The following LARGE1 variants were observed in gnomAD, a reference collection of about 807,000 sequenced individuals.
The protein encoded by LARGE1 is xylosyl- and glucuronyltransferase LARGE1.
A neutral mutation model predicts 87.6 loss-of-function variants in LARGE1; 43 were observed. The observed-to-expected ratio is 0.49, with a 90% CI of 0.38 to 0.63. The LOEUF is 0.63. Ranked by LOEUF, LARGE1 falls within the 30% of genes least tolerant of loss-of-function variation. The probability of loss-of-function intolerance (pLI) is 0.00; values close to 1 mark genes in which losing one functional copy is unlikely to be tolerated. For synonymous variants in LARGE1, 434 were observed against 394.6 expected, an observed-to-expected ratio of 1.10 and a Z score of -1.18; for missense variants, 802 against 1,000.2, an observed-to-expected ratio of 0.80 and a Z score of 2.67.
chr22:33,584,179 AG>A lies in LARGE1; in HGVS notation c.616-19161del, dbSNP rs531462014. Among the ~76,000 whole-genome samples, 22 of 152,344 alleles carry A rather than the reference AG, an allele frequency of 1.4e-4. No homozygotes were observed. In the South Asian group the frequency reaches 4.6e-3, roughly 32 times the overall value. ...TAGCTAAGCTGAGCAGATAAAAAGC[AG>A]GTAAAGGAGTTTTGCTTGGGAAAAA... On this transcript the variant is annotated intron_variant, in intron 5 of 14. Transcript: ENST00000397394.
chr22:33,903,185 T>G (rs1159150494), intron 1 of LARGE1, among the ~76,000 whole-genome samples: 1 of 152,168 alleles, frequency 6.6e-6, no homozygotes, highest in African/African-American at 2.4e-5. Context: ...TGGGCCCTAA[T>G]CTACTATGAC....
In LARGE1 at chr22:33,815,888, T is replaced by TA. The variant is rs1164553347; in HGVS notation, c.-82-54331dup. Among the ~76,000 whole-genome samples, 3 of 152,268 alleles carry TA rather than the reference T, an allele frequency of 2.0e-5. No homozygotes were observed. The East Asian group carries it at 5.8e-4, about 29-fold the overall frequency. On this transcript the variant is annotated intron_variant, in intron 1 of 14. Transcript: ENST00000397394. ...ATCACGAGGAGAGGTGCCGTGGAAG[T>TA]AAGAGATTCAGCTGCTGAACCATTT...
At chr22:33,633,810 G>A (rs956686388) in intron 3 of LARGE1, among the ~76,000 whole-genome samples, 1 of 152,208 alleles carries the variant, frequency 6.6e-6, no homozygotes, top group Non-Finnish European at 1.5e-5. Context: ...ACCTCCCAGA[G>A]GACAGATGCT....
chr22:33,306,178 C>T (rs1419533073), intron 11 of LARGE1, among the ~76,000 whole-genome samples: 1 of 152,164 alleles, frequency 6.6e-6, no homozygotes, highest in East Asian at 1.9e-4. Flanking sequence ...CATGCATTCT[C>T]CATGACGCCT....
intron 1 of LARGE1, among the ~76,000 whole-genome samples, chr22:33,888,210 A>C (rs1043059461): frequency 6.6e-6 from 1 of 152,188 alleles, no homozygotes; most frequent in Non-Finnish European, 1.5e-5. Flanking sequence ...CATGACCCAG[A>C]AGATGCTTAT....
the LARGE1 span, among the ~76,000 whole-genome samples, chr22:33,107,783 G>A: frequency 7.2e-5 from 11 of 152,234 alleles, no homozygotes; most frequent in South Asian, 4.1e-4. Context: ...AGCAAGGATC[G>A]CTTGAGCCCA....
At chr22:33,464,324 TTTA>T (rs1276899895) in intron 6 of LARGE1, among the ~76,000 whole-genome samples, 1 of 152,160 alleles carries the variant, frequency 6.6e-6, no homozygotes, top group African/African-American at 2.4e-5. Context: ...CAGGTTTTGG[TTTA>T]TTTTCATAAG....
At chr22:33,834,733 T>C (rs1479344726) in intron 1 of LARGE1, among the ~76,000 whole-genome samples, 4 of 152,226 alleles carry the variant, frequency 2.6e-5, no homozygotes, top group Non-Finnish European at 5.9e-5. Context: ...GCAAGTTTTC[T>C]TTATCATCCC....
chr22:33,446,962 C>T (rs1237008738), intron 6 of LARGE1, among the ~76,000 whole-genome samples: 2 of 152,206 alleles, frequency 1.3e-5, no homozygotes, highest in African/African-American at 4.8e-5. Flanking sequence ...GGCACCATCT[C>T]GGTTCACTGC....
intron 10 of LARGE1, among the ~76,000 whole-genome samples, chr22:33,317,162 T>C (rs60173794): frequency 0.049 from 7,391 of 152,218 alleles, 328 homozygotes; most frequent in African/African-American, 0.13. Flanking sequence ...TGCAGTGAGC[T>C]GAGATCGCAC....
chr22:33,698,350 G>C (rs1320981985), intron 2 of LARGE1, among the ~76,000 whole-genome samples: 1 of 142,034 alleles, frequency 7.0e-6, no homozygotes, highest in African/African-American at 2.7e-5. Context: ...ACCCAGGCTG[G>C]AGTGCAGTGG....
intron 11 of LARGE1, among the ~76,000 whole-genome samples, chr22:33,182,685 A>G (rs1012107319): frequency 2.0e-5 from 3 of 152,220 alleles, no homozygotes; most frequent in Non-Finnish European, 4.4e-5. Context: ...GTTGTCTACT[A>G]ATCTTTGATT....
intron 5 of LARGE1, among the ~76,000 whole-genome samples, chr22:33,589,178 T>G (rs2078764289): frequency 6.6e-6 from 1 of 152,194 alleles, no homozygotes; most frequent in South Asian, 2.1e-4. Context: ...AATTCTTGTT[T>G]CCACCACTCC....
intron 3 of LARGE1, among the ~76,000 whole-genome samples, chr22:33,643,407 G>A (rs973155677): frequency 2.6e-5 from 4 of 152,088 alleles, no homozygotes; most frequent in Non-Finnish European, 5.9e-5. Flanking sequence ...GTGTTTATAG[G>A]GAAATTTATA....
At chr22:33,671,496 C>T (rs531622594) in intron 2 of LARGE1, among the ~76,000 whole-genome samples, 1 of 152,272 alleles carries the variant, frequency 6.6e-6, no homozygotes, top group East Asian at 1.9e-4. Context: ...AAGTTGAGTC[C>T]TGCCTCAAAC....
chr22:33,273,657 T>A lies in LARGE1; in HGVS notation c.*770A>T, dbSNP rs886057456. 24 of 398,784 alleles carry A rather than the reference T, an allele frequency of 6.0e-5. No individual in the cohort carries two copies. The highest frequency in any genetic ancestry group is 8.2e-5 in the African/African-American group (4 of 48,598). The allele number at this position is 398,784 out of a possible 1,614,324, so 24.7% of individuals were successfully genotyped here. On this transcript the variant is annotated 3_prime_UTR_variant, in exon 15 of 15. Transcript: ENST00000397394. The stretch of plus-strand genomic sequence containing the variant: ...TGATCATCCTGAAGGAAGCTGCCCA[T>A]GTTTAAATATCGGCCGAAGATGCTT...
chr22:33,855,399 TG>T (rs1268594396), intron 1 of LARGE1, among the ~76,000 whole-genome samples: 1 of 151,054 alleles, frequency 6.6e-6, no homozygotes, highest in Non-Finnish European at 1.5e-5. Flanking sequence ...AGGGGTGGAG[TG>T]GGAAACTGTC....
chr22:33,584,441 T>C (rs1206242856), intron 5 of LARGE1, among the ~76,000 whole-genome samples: 3 of 152,162 alleles, frequency 2.0e-5, no homozygotes, highest in Non-Finnish European at 4.4e-5. Context: ...TGGTAGCTGA[T>C]TGGTACTACA....
chr22:33,800,568 G>C (rs1007239061), intron 1 of LARGE1, among the ~76,000 whole-genome samples: 15 of 152,048 alleles, frequency 9.9e-5, no homozygotes, highest in African/African-American at 2.4e-5. Flanking sequence ...CCCCACCCTA[G>C]TCCCTGGCAA....
Sources: gnomAD v4.1 joint callset for allele counts (sites outside exome capture counted in the v4.1 genomes callset) on GRCh38, gnomAD v4.1.1 for gene constraint, MANE v1.5 for transcripts, NCBI Gene and HGNC (gene_info 2026-07-23, HGNC 2026-07-21) for gene names.